ABCA10: variants seen among roughly 807,000 people sequenced by gnomAD.
The protein encoded by ABCA10 is ATP-binding cassette sub-family A member 10.
In ABCA10, 169 loss-of-function variants were observed where a neutral mutation model predicts 187.5. That is an observed-to-expected ratio of 0.90 (90% CI 0.80 to 1.02). The LOEUF (loss-of-function observed/expected upper bound fraction) is 1.02. Among genes scored for constraint, ABCA10 ranks in the 50% least tolerant of loss-of-function variants. The pLI, the probability that ABCA10 is intolerant of heterozygous loss-of-function variation, is 0.00. For synonymous variants in ABCA10, 574 were observed against 601.8 expected (o/e 0.95, Z 0.68); for missense variants, 1,727 against 1,812.4 (o/e 0.95, Z 0.86).
intron 4 of ABCA10, 28 bp downstream of exon 4, chr17:69,222,505 A>T (rs1045466328): frequency 6.7e-7 from 1 of 1,495,492 alleles, no homozygotes; most frequent in Admixed American, 2.6e-5. Context: ...TATCAAAAAA[A>T]AATTATAATC....
At chr17:69,161,784 A>C (rs1483676930) in intron 27 of ABCA10, among the ~76,000 whole-genome samples, 1 of 152,210 alleles carries the variant, frequency 6.6e-6, no homozygotes, top group African/African-American at 2.4e-5. Context: ...AAACTGAAGC[A>C]AGAACAAACA....
chr17:69,174,782 C>G lies in ABCA10; in HGVS notation c.2878-5G>C, dbSNP rs776103290. On this transcript the variant is annotated splice_region_variant and splice_polypyrimidine_tract_variant and intron_variant, in intron 23 of 38. Transcript: ENST00000690296. ...TAACTGGGATTGAACATTTTTCTGA[C>G]AAAGAATAGAAGGGATAGAGGAAGG... The G allele has an allele frequency of 1.9e-6, 3 of 1,569,284 alleles. No individual in the cohort carries two copies. The highest frequency in any genetic ancestry group is 2.5e-5 in the South Asian group (2 of 81,462).
intron 9 of ABCA10, among the ~76,000 whole-genome samples, chr17:69,202,092 A>C (rs2144817836): frequency 6.6e-6 from 1 of 152,282 alleles, no homozygotes; most frequent in South Asian, 2.1e-4. Flanking sequence ...TATAATGTTA[A>C]AAATAAAGCA....
intron 1 of ABCA10, among the ~76,000 whole-genome samples, chr17:69,240,188 A>G (rs765842176): frequency 2.5e-4 from 38 of 152,306 alleles, no homozygotes; most frequent in Non-Finnish European, 5.1e-4. Flanking sequence ...TTATGGGTAG[A>G]TGTGGCTAGC....
chr17:69,202,109 G>A (rs761799500), intron 9 of ABCA10, among the ~76,000 whole-genome samples: 3 of 152,080 alleles, frequency 2.0e-5, no homozygotes, highest in Non-Finnish European at 4.4e-5. Context: ...AGCATTACAG[G>A]TGCATTAAAG....
In ABCA10 at chr17:69,152,163, T is replaced by C. The variant is rs2074134238; in HGVS notation, c.4277A>G (p.His1426Arg). 2.5e-6 allele frequency: 4 copies of C among 1,612,394 alleles called. No individual in the cohort carries two copies. Among genetic ancestry groups the C allele is most frequent in the African/African-American group, 1.3e-5 (1 of 74,838 alleles). ...GTLRCIGSIQ[H>R]LKNKFGRDYL... is the part of the protein sequence containing the mutation. Reference sequence around the variant, plus strand: ...ATCTCTACCAAACTTGTTTTTCAGATGTTGAATGGAACCAATACACCTAGT... The same window carrying C: ...ATCTCTACCAAACTTGTTTTTCAGACGTTGAATGGAACCAATACACCTAGT... Residue 1426 changes from histidine to arginine, a missense_variant, in exon 36 of 39, where the codon CAT becomes CGT. By Grantham distance (29) the His-to-Arg change is conservative. Coordinates refer to ENST00000690296, the MANE Select transcript of ABCA10 (RefSeq NM_001377321.1).
rs539247476 is a variant in ABCA10 at position 69,174,831 on chromosome 17, T to G, written c.2878-54A>C. On this transcript the variant is annotated intron_variant, in intron 23 of 38. Coordinates refer to ENST00000690296, the MANE Select transcript of ABCA10 (RefSeq NM_001377321.1). The stretch of plus-strand genomic sequence containing the variant: ...GGGATCTTAGTTTGAAAAGATTTTG[T>G]GGTTATGTAAAAAAAATTGTTTAAT... 73 of 1,421,990 alleles carry G rather than the reference T, an allele frequency of 5.1e-5. No homozygotes were observed. In the East Asian group the frequency reaches 1.7e-3, roughly 32 times the overall value. The allele number at this position is 1,421,990 out of a possible 1,614,324, so 88.1% of individuals were successfully genotyped here. A position where few individuals can be genotyped will look rare whatever the true frequency, so the allele number is the denominator to read the frequency against.
chr17:69,218,305 G>T (rs146938673), intron 6 of ABCA10, among the ~76,000 whole-genome samples: 59 of 151,952 alleles, frequency 3.9e-4, no homozygotes, highest in African/African-American at 1.4e-3. Context: ...TAATATTTTT[G>T]AGTTTTGTAG....
At chr17:69,210,144 A>C (rs1206702127) in intron 9 of ABCA10, among the ~76,000 whole-genome samples, 1 of 139,758 alleles carries the variant, frequency 7.2e-6, no homozygotes, top group African/African-American at 2.7e-5. Context: ...GTTTGGTTAC[A>C]TGGGTAAATT....
At chr17:69,242,589 C>A (rs1177606380) in intron 1 of ABCA10, among the ~76,000 whole-genome samples, 1 of 152,112 alleles carries the variant, frequency 6.6e-6, no homozygotes, top group African/African-American at 2.4e-5. Flanking sequence ...CTCAGCCTCC[C>A]AACTAACTGG....
At chr17:69,164,178 T>C in intron 26 of ABCA10, 24 bp from the exon 27 acceptor site, 1 of 1,549,350 alleles carries the variant, frequency 6.5e-7, no homozygotes, top group South Asian at 1.2e-5. Context: ...CACCAACAGT[T>C]AAATGCAAGT....
chr17:69,171,094 G>A (rs1053521313), intron 25 of ABCA10, among the ~76,000 whole-genome samples: 2 of 152,030 alleles, frequency 1.3e-5, no homozygotes, highest in South Asian at 2.1e-4. Context: ...CAGAGTCTTC[G>A]GAGTTCCACA....
At chr17:69,222,851 T>G (rs1001654544) in intron 3 of ABCA10, among the ~76,000 whole-genome samples, 154 bp from the exon 4 acceptor site, 2 of 152,232 alleles carry the variant, frequency 1.3e-5, no homozygotes, top group Non-Finnish European at 2.9e-5. Flanking sequence ...GTGAAACTAT[T>G]GTTTTAAGTT....
chr17:69,153,823 C>T lies in ABCA10; in HGVS notation c.3965+8G>A, dbSNP rs756471261. ...TCCTGCTACAAATTGTGAGACTTCT[C>T]TCTGTACCGTGAAATACTGAGAGCA... On this transcript the variant is annotated splice_region_variant and intron_variant, in intron 32 of 38. Coordinates refer to ENST00000690296, the MANE Select transcript of ABCA10 (RefSeq NM_001377321.1). 4 of 1,609,778 alleles carry T rather than the reference C, an allele frequency of 2.5e-6. No individual in the cohort carries two copies. Among genetic ancestry groups the T allele is most frequent in the Non-Finnish European group, 3.4e-6 (4 of 1,178,226 alleles).
At position 69,219,771 on chromosome 17, in the gene ABCA10, C is replaced by A; in HGVS notation, c.304G>T (p.Val102Phe). Residue 102 changes from valine to phenylalanine, a missense_variant and splice_region_variant, in exon 6 of 39, where the codon GTC becomes TTC. Physicochemically the swap from Val to Phe is conservative, Grantham distance 50. Transcript: ENST00000690296. Reference sequence around the variant, plus strand: ...TCCATTACAGAATGATTTGTTGTGACCTAAATTGGGACATTAGCAAATTTA... The same window carrying A: ...TCCATTACAGAATGATTTGTTGTGAACTAAATTGGGACATTAGCAAATTTA... Reference protein sequence around the residue: ...QAAINAAIIEVTTNHSVMEEL... With the variant: ...QAAINAAIIEFTTNHSVMEEL... The A allele has an allele frequency of 1.9e-6, 3 of 1,549,460 alleles. No individual in the cohort carries two copies. Among genetic ancestry groups the A allele is most frequent in the South Asian group, 1.3e-5 (1 of 77,584 alleles).
intron 10 of ABCA10, among the ~76,000 whole-genome samples, chr17:69,200,963 T>C (rs2074539328): frequency 6.6e-6 from 1 of 152,224 alleles, no homozygotes; most frequent in African/African-American, 2.4e-5. Flanking sequence ...TCTGCCCATC[T>C]GAGCCTACAA....
intron 10 of ABCA10, among the ~76,000 whole-genome samples, chr17:69,198,458 A>T (rs2074521819): frequency 6.6e-6 from 1 of 152,228 alleles, no homozygotes; most frequent in Admixed American, 6.5e-5. Context: ...TGAGCCAAGC[A>T]TATACGCAGG....
rs776433433 is a variant in ABCA10 at position 69,182,293 on chromosome 17, T to TG, written c.2632-4dup. On this transcript the variant is annotated splice_polypyrimidine_tract_variant and splice_region_variant and intron_variant, in intron 21 of 38. Transcript: ENST00000690296. ...CACGCAACAGAAAATCTGTAATCCT[T>TG]GAAAAAAAGTACACAAATATAAGTT... 10 of 1,511,440 alleles carry TG rather than the reference T, an allele frequency of 6.6e-6. No homozygotes were observed. The highest frequency in any genetic ancestry group is 6.3e-5 in the Admixed American group (3 of 47,258). The allele number at this position is 1,511,440 out of a possible 1,614,324, so 93.6% of individuals were successfully genotyped here.
intron 12 of ABCA10, 34 bp downstream of exon 12, chr17:69,194,351 T>C (rs1456739124): frequency 6.4e-7 from 1 of 1,562,004 alleles, no homozygotes; most frequent in East Asian, 2.2e-5. Flanking sequence ...ACTTGCTTTT[T>C]CAGCCAACTT....
Sources: gnomAD v4.1 joint callset for allele counts (sites outside exome capture counted in the v4.1 genomes callset) on GRCh38, gnomAD v4.1.1 for gene constraint, MANE v1.5 for transcripts, NCBI Gene and HGNC (gene_info 2026-07-23, HGNC 2026-07-21) for gene names.